SPATA1: variants seen among roughly 807,000 people sequenced by gnomAD.
SPATA1 encodes spermatogenesis associated 1.
Under a neutral mutation model 59.6 loss-of-function variants are expected in SPATA1, and 57 were observed. The ratio of observed to expected loss-of-function variants is 0.96; its 90% CI spans 0.77 to 1.19. The LOEUF is 1.19. Ranked by LOEUF, SPATA1 falls within the 50% of genes most tolerant of loss-of-function variation. SPATA1 has a pLI of 0.00. For missense variants in SPATA1, 448 were observed against 480.7 expected (o/e 0.93, Z 0.64); for synonymous variants, 147 against 163.9 (o/e 0.90, Z 0.79).
intron 6 of SPATA1, among the ~76,000 whole-genome samples, chr1:84,531,232 G>T (rs944579029): frequency 6.6e-6 from 1 of 151,856 alleles, no homozygotes; most frequent in African/African-American, 2.4e-5. Flanking sequence ...GCACAATCTC[G>T]GCTCACTGCA....
At chr1:84,565,723 C>A (rs1385048644) in intron 4 of SPATA1, 138 bp from the exon 14 acceptor site, 2 of 489,620 alleles carry the variant, frequency 4.1e-6, no homozygotes, top group East Asian at 1.2e-4. Flanking sequence ...ATGTTTGAAG[C>A]AAGCCTTACA....
chr1:84,519,097 T>C (rs1034601464), intron 2 of SPATA1, among the ~76,000 whole-genome samples: 1 of 151,932 alleles, frequency 6.6e-6, no homozygotes, highest in Non-Finnish European at 1.5e-5. Context: ...TACCAAAAAA[T>C]TTTTTTAGTA....
chr1:84,563,639 C>A, intron 4 of SPATA1: 1 of 768,250 alleles, frequency 1.3e-6, no homozygotes. Flanking sequence ...AACTATATTT[C>A]AGAGATTCTA....
At chr1:84,548,819 C>T in exon 11 of SPATA1, 1 of 976,080 alleles carries the variant, frequency 1.0e-6, no homozygotes, top group Middle Eastern at 2.9e-4. Flanking sequence ...TACTTGGAAA[C>T]AAAGAAAGTC....
At chr1:84,539,281 T>C (rs1009940018) in intron 8 of SPATA1, among the ~76,000 whole-genome samples, 2 of 152,234 alleles carry the variant, frequency 1.3e-5, no homozygotes, top group Non-Finnish European at 2.9e-5. Context: ...CTGGATACTT[T>C]TATTGTTTCC....
intron 1 of SPATA1, among the ~76,000 whole-genome samples, chr1:84,509,049 A>C (rs1682413381): frequency 6.6e-6 from 1 of 152,214 alleles, no homozygotes; most frequent in Admixed American, 6.5e-5. Context: ...CATTCTTCAC[A>C]GAAGTATTAA....
intron 2 of SPATA1, among the ~76,000 whole-genome samples, chr1:84,516,725 G>A (rs569238861): frequency 6.6e-6 from 1 of 152,042 alleles, no homozygotes; most frequent in Non-Finnish European, 1.5e-5. Context: ...TTGACTCCTT[G>A]CCCCTCTCTC....
intron 6 of SPATA1, among the ~76,000 whole-genome samples, chr1:84,532,175 CA>C (rs1683497780): frequency 6.6e-6 from 1 of 152,176 alleles, no homozygotes; most frequent in South Asian, 2.1e-4. Context: ...AGCACTGTTT[CA>C]AAAACTGCTT....
chr1:84,521,515 G>A (rs1683026219), intron 3 of SPATA1, among the ~76,000 whole-genome samples: 1 of 151,978 alleles, frequency 6.6e-6, no homozygotes, highest in African/African-American at 2.4e-5. Flanking sequence ...TGAGTTTTCT[G>A]CCCTAACCAT....
At position 84,551,498 on chromosome 1, in the gene SPATA1, C is replaced by G. The variant is rs563076953; in HGVS notation, c.1224+968C>G. On this transcript the variant is annotated intron_variant, in intron 12 of 12. Coordinates refer to ENST00000490879, the Ensembl canonical transcript of SPATA1. Reference sequence around the variant, plus strand: ...ACTAGCCACCTATTGATATTGAGCACTTGAAATGTAGTTTGTGTGACTGAG... The same window carrying G: ...ACTAGCCACCTATTGATATTGAGCAGTTGAAATGTAGTTTGTGTGACTGAG... The G allele has an allele frequency of 4.3e-5, 7 of 163,034 alleles. No homozygotes were observed. In the East Asian group the frequency reaches 1.3e-3, roughly 31 times the overall value. 10.1% of individuals were successfully genotyped at this position (163,034 alleles called of 1,614,324 possible).
chr1:84,538,713 T>C (rs1001117827), intron 8 of SPATA1, among the ~76,000 whole-genome samples: 9 of 152,182 alleles, frequency 5.9e-5, no homozygotes, highest in African/African-American at 2.2e-4. Flanking sequence ...GCCTGCCAAC[T>C]TTGAGTGGGA....
rs923104670 is a variant in SPATA1 at position 84,547,547 on chromosome 1, G to A, written c.947-1239G>A. ...TCAGAGCTGAGAATTCAATTAAAAA[G>A]AGCATAGTAAAGAGTGATGAGGCAG... On this transcript the variant is annotated intron_variant, in intron 10 of 12. Coordinates refer to ENST00000490879, the Ensembl canonical transcript of SPATA1. 5.3e-5 allele frequency among the ~76,000 whole-genome samples: 8 copies of A among 152,136 alleles called. 1 individual carries two copies. Among genetic ancestry groups the A allele is most frequent in the Admixed American group, 2.0e-4 (3 of 15,266 alleles).
chr1:84,564,694 G>T (rs1558628688), intron 4 of SPATA1, among the ~76,000 whole-genome samples: 1 of 152,046 alleles, frequency 6.6e-6, no homozygotes, highest in Non-Finnish European at 1.5e-5. Flanking sequence ...CACAGTTTGG[G>T]AACCCTCAAT....
At chr1:84,538,102 G>A (rs78108204) in intron 8 of SPATA1, among the ~76,000 whole-genome samples, 5,686 of 152,286 alleles carry the variant, frequency 0.037, 149 homozygotes, top group South Asian at 0.062. Flanking sequence ...GGCAGAAAAG[G>A]TTATTCCTGT....
chr1:84,533,861 T>G (rs1683569675), intron 8 of SPATA1, 95 bp downstream of exon 8: 1 of 744,546 alleles, frequency 1.3e-6, no homozygotes, highest in South Asian at 1.9e-5. Context: ...ATGTCTAAGT[T>G]TTCCAGAAAC....
chr1:84,524,443 C>T (rs1376646458), intron 4 of SPATA1, among the ~76,000 whole-genome samples: 1 of 152,016 alleles, frequency 6.6e-6, no homozygotes, highest in Admixed American at 6.6e-5. Context: ...TTAATTGGGC[C>T]TCACTGAGAA....
At chr1:84,531,565 C>G (rs1286034105) in intron 6 of SPATA1, among the ~76,000 whole-genome samples, 1 of 141,972 alleles carries the variant, frequency 7.0e-6, no homozygotes, top group Admixed American at 7.2e-5. Context: ...AATAGTTTGG[C>G]AAGTCTTTTT....
downstream of SPATA1, among the ~76,000 whole-genome samples, chr1:84,555,452 C>T (rs1006542924): frequency 3.9e-5 from 6 of 152,112 alleles, no homozygotes; most frequent in African/African-American, 9.7e-5. Context: ...TTAGACTTTA[C>T]GATGGATTTA....
chr1:84,531,570 C>CT (rs11344822), intron 6 of SPATA1, among the ~76,000 whole-genome samples: 5,510 of 105,212 alleles, frequency 0.052, 554 homozygotes, highest in African/African-American at 0.18. Flanking sequence ...TTTGGCAAGT[C>CT]TTTTTTTTTT....
Sources: allele counts gnomAD v4.1 joint callset (sites outside exome capture counted in the v4.1 genomes callset), GRCh38; gene constraint gnomAD v4.1.1; transcripts MANE v1.5; gene names NCBI Gene and HGNC (gene_info 2026-07-23, HGNC 2026-07-21).